ADAMTS6: variants seen among roughly 807,000 people sequenced by gnomAD.
ADAMTS6 encodes the protein ADAM metallopeptidase with thrombospondin type 1 motif 6.
In ADAMTS6, 23 loss-of-function variants were observed where a neutral mutation model predicts 144.3. That is an observed-to-expected ratio of 0.16 (90% CI 0.11 to 0.23). The LOEUF (loss-of-function observed/expected upper bound fraction) is 0.23. Among genes scored for constraint, ADAMTS6 ranks in the 10% least tolerant of loss-of-function variants. ADAMTS6 has a pLI of 1.00. For missense variants in ADAMTS6, 999 were observed against 1,379.6 expected (o/e 0.72, Z 4.37); for synonymous variants, 444 against 457.5 (o/e 0.97, Z 0.38).
At chr5:65,445,485 G>A (rs1758204233) in intron 7 of ADAMTS6, among the ~76,000 whole-genome samples, 1 of 152,220 alleles carries the variant, frequency 6.6e-6, no homozygotes, top group African/African-American at 2.4e-5. Flanking sequence ...TTACAAGCGC[G>A]TGCCACCACG....
intron 12 of ADAMTS6, among the ~76,000 whole-genome samples, chr5:65,267,038 T>C (rs1241403880): frequency 6.6e-6 from 1 of 151,996 alleles, no homozygotes; most frequent in Non-Finnish European, 1.5e-5. Context: ...GTAGAATAAT[T>C]AGATTACACC....
At chr5:65,425,482 C>CA (rs1188479554) in intron 7 of ADAMTS6, among the ~76,000 whole-genome samples, 2 of 152,304 alleles carry the variant, frequency 1.3e-5, no homozygotes, top group African/African-American at 4.8e-5. Flanking sequence ...TCTCATCCTA[C>CA]AAGTTGAAAC....
At chr5:65,211,950 GCA>G (rs1756559381) in intron 20 of ADAMTS6, among the ~76,000 whole-genome samples, 2 of 152,176 alleles carry the variant, frequency 1.3e-5, no homozygotes, top group African/African-American at 4.8e-5. Context: ...TTACAAAGAT[GCA>G]CAGACTTCAG....
intron 7 of ADAMTS6, among the ~76,000 whole-genome samples, chr5:65,404,684 T>C (rs1417406147): frequency 6.6e-6 from 1 of 152,220 alleles, no homozygotes; most frequent in Non-Finnish European, 1.5e-5. Flanking sequence ...CTGGGTCAAA[T>C]GGTATTTCTA....
intron 6 of ADAMTS6, 69 bp downstream of exon 6, chr5:65,452,064 A>G: frequency 8.4e-7 from 1 of 1,188,782 alleles, no homozygotes; most frequent in Non-Finnish European, 1.2e-6. Context: ...ATTATTTAAT[A>G]ATAAGTAATT....
At chr5:65,417,581 A>G (rs770889009) in intron 7 of ADAMTS6, among the ~76,000 whole-genome samples, 2 of 152,176 alleles carry the variant, frequency 1.3e-5, no homozygotes, top group Non-Finnish European at 2.9e-5. Context: ...TTAGACACCA[A>G]TAACATTCAA....
chr5:65,474,796 CAAAAAAAA>C (rs11330695), intron 1 of ADAMTS6, among the ~76,000 whole-genome samples: 5 of 78,882 alleles, frequency 6.3e-5, no homozygotes, highest in Non-Finnish European at 1.3e-4. Context: ...AAACTGTGAC[CAAAAAAAA>C]AAAAAAAAAA....
intron 9 of ADAMTS6, among the ~76,000 whole-genome samples, chr5:65,313,030 AC>A: frequency 6.6e-6 from 1 of 152,036 alleles, no homozygotes; most frequent in East Asian, 1.9e-4. Flanking sequence ...CTACAAATTA[AC>A]TTCTTTATTT....
At chr5:65,381,978 C>A (rs1580552367) in intron 7 of ADAMTS6, among the ~76,000 whole-genome samples, 1 of 152,230 alleles carries the variant, frequency 6.6e-6, no homozygotes, top group East Asian at 1.9e-4. Context: ...GGTAATATAT[C>A]ATAATGCTAA....
intron 14 of ADAMTS6, among the ~76,000 whole-genome samples, chr5:65,257,552 C>T (rs750638013): frequency 2.6e-5 from 4 of 152,120 alleles, no homozygotes; most frequent in Non-Finnish European, 5.9e-5. Context: ...AATATCCTTA[C>T]GTTTTTCTTG....
chr5:65,199,370 AT>A (rs1755592368), intron 20 of ADAMTS6, among the ~76,000 whole-genome samples: 1 of 152,192 alleles, frequency 6.6e-6, no homozygotes, highest in Non-Finnish European at 1.5e-5. Context: ...TTTGGCTATA[AT>A]TACATTTGTT....
At chr5:65,216,696 G>A (rs6449775) in intron 18 of ADAMTS6, among the ~76,000 whole-genome samples, 47,719 of 151,418 alleles carry the variant, frequency 0.32, 7,748 homozygotes, top group African/African-American at 0.38. Context: ...ATATTGTGTT[G>A]TGAAAAATTT....
intron 7 of ADAMTS6, among the ~76,000 whole-genome samples, chr5:65,350,901 G>T (rs1748792087): frequency 1.3e-5 from 2 of 152,074 alleles, no homozygotes; most frequent in Middle Eastern, 3.2e-3. Context: ...ACCCACCTTG[G>T]CCTCCCAAAG....
At chr5:65,206,720 A>AAAG (rs1491123665) in intron 20 of ADAMTS6, among the ~76,000 whole-genome samples, 32 of 138,370 alleles carry the variant, frequency 2.3e-4, no homozygotes, top group African/African-American at 8.4e-4. Flanking sequence ...AAAAAAAAAA[A>AAAG]GAATCAGGTA....
chr5:65,248,895 T>C (rs1759888968), intron 14 of ADAMTS6, among the ~76,000 whole-genome samples: 1 of 152,158 alleles, frequency 6.6e-6, no homozygotes, highest in East Asian at 1.9e-4. Flanking sequence ...TCCTTATTTC[T>C]CAAAACATAA....
chr5:65,405,383 C>A (rs1299345496), intron 7 of ADAMTS6, among the ~76,000 whole-genome samples: 2 of 152,198 alleles, frequency 1.3e-5, no homozygotes, highest in Non-Finnish European at 2.9e-5. Context: ...GTTTTCCCAG[C>A]ACCATTTACT....
chr5:65,207,109 TAACAGTA>T (rs1161750511), intron 20 of ADAMTS6, among the ~76,000 whole-genome samples: 1 of 152,208 alleles, frequency 6.6e-6, no homozygotes, highest in East Asian at 1.9e-4. Flanking sequence ...AAAATATCTC[TAACAGTA>T]AACTGTCTCC....
chr5:65,417,987 A>C (rs1388097026), intron 7 of ADAMTS6, among the ~76,000 whole-genome samples: 1 of 152,208 alleles, frequency 6.6e-6, no homozygotes, highest in Non-Finnish European at 1.5e-5. Flanking sequence ...CTATAAGGCT[A>C]CAGTAACCAA....
chr5:65,433,563 C>T (rs1373900016), intron 7 of ADAMTS6, among the ~76,000 whole-genome samples: 5 of 151,986 alleles, frequency 3.3e-5, no homozygotes, highest in Admixed American at 2.0e-4. Context: ...AAATGTAATA[C>T]AAGAAATACA....
Sources: gnomAD v4.1 joint callset for allele counts (sites outside exome capture counted in the v4.1 genomes callset) on GRCh38, gnomAD v4.1.1 for gene constraint, MANE v1.5 for transcripts, NCBI Gene and HGNC (gene_info 2026-07-23, HGNC 2026-07-21) for gene names.